The following CFAP74 variants were observed in gnomAD, a reference collection of about 807,000 sequenced individuals.
CFAP74 encodes the protein cilia- and flagella-associated protein 74.
In CFAP74, 124 loss-of-function variants were observed where a neutral mutation model predicts 188.9. The observed-to-expected ratio is 0.66, with a 90% CI of 0.57 to 0.76. The LOEUF (loss-of-function observed/expected upper bound fraction) is 0.76, where lower values mean the gene tolerates loss of function less well. Among genes scored for constraint, CFAP74 ranks in the 30% least tolerant of loss-of-function variants. The pLI is 0.00. For synonymous variants in CFAP74, 956 were observed against 916.7 expected, an observed-to-expected ratio of 1.04 and a Z score of -0.77; for missense variants, 2,198 against 2,165.2, an observed-to-expected ratio of 1.02 and a Z score of -0.30.
intron 6 of CFAP74, among the ~76,000 whole-genome samples, chr1:1,981,773 G>A (rs796351124): frequency 7.4e-6 from 1 of 134,500 alleles, no homozygotes; most frequent in South Asian, 2.4e-4. Context: ...GCGGGGGCAC[G>A]CAGGACACCC....
chr1:1,960,051 C>T (rs753373435), intron 14 of CFAP74, 21 bp from the exon 15 acceptor site: 79 of 1,593,492 alleles, frequency 5.0e-5, no homozygotes, highest in Non-Finnish European at 6.6e-5. Context: ...TGACCCATAG[C>T]ACACGGGGGT....
At chr1:1,943,390 G>A (rs535297150) in intron 21 of CFAP74, among the ~76,000 whole-genome samples, 18 of 152,310 alleles carry the variant, frequency 1.2e-4, no homozygotes, top group Admixed American at 7.8e-4. Flanking sequence ...GAGTCCGACA[G>A]CAGGAGGACA....
intron 23 of CFAP74, 76 bp downstream of exon 23, chr1:1,940,240 G>A: frequency 8.4e-7 from 1 of 1,187,776 alleles, no homozygotes; most frequent in South Asian, 1.3e-5. Flanking sequence ...TCGCCCGGGT[G>A]CTGGGCCTGG....
intron 15 of CFAP74, 52 bp downstream of exon 15, chr1:1,959,912 C>T: frequency 4.0e-6 from 6 of 1,489,154 alleles, no homozygotes; most frequent in South Asian, 3.8e-5. Context: ...CGATCACAGG[C>T]TCCACCCACC....
In CFAP74 at chr1:1,955,819, A is replaced by G; in HGVS notation, c.2048T>C (p.Leu683Ser). 2 of 1,613,934 alleles carry G rather than the reference A, an allele frequency of 1.2e-6. No individual in the cohort carries two copies. The highest frequency in any genetic ancestry group is 1.7e-6 in the Non-Finnish European group (2 of 1,180,018). Residue 683 changes from leucine (L) to serine (S), a missense_variant, in exon 18 of 39, where the codon TTG (leucine) becomes TCG (serine). Coordinates refer to ENST00000682832, the MANE Select transcript of CFAP74 (RefSeq NM_001304360.2). ...SSLLTYEDKS[L>S]YDKAATSFSE... is the part of the protein sequence containing the mutation. The stretch of plus-strand genomic sequence containing the variant: ...GAAGCTGGTGGCGGCTTTGTCATAC[A>G]AGCTTTTATCTTCGTAGGTCAGGAG...
At position 1,968,559 on chromosome 1, in the gene CFAP74, C is replaced by A. The variant is rs1655642421; in HGVS notation, c.1245+76G>T. 1 of 1,318,568 alleles carries A rather than the reference C, an allele frequency of 7.6e-7. No homozygotes were observed. Among genetic ancestry groups the A allele is most frequent in the Non-Finnish European group, 1.1e-6 (1 of 931,428 alleles). 81.7% of individuals were successfully genotyped at this position (1,318,568 alleles called of 1,614,324 possible). On this transcript the variant is annotated intron_variant, in intron 11 of 38. Transcript: ENST00000682832. The surrounding 1 kb of genome is among the most constrained non-coding windows in gnomAD (Gnocchi z 4.3). ...GCTGAGGTCCTCAGAGGATGTCTCA[C>A]CACACCTGAGCCCTGAGGCCCCACC...
At chr1:1,940,780 C>G (rs1321635503) in intron 22 of CFAP74, among the ~76,000 whole-genome samples, 3 of 152,200 alleles carry the variant, frequency 2.0e-5, no homozygotes, top group African/African-American at 7.2e-5. Flanking sequence ...TTAATCAGAG[C>G]TTGATCTCTG....
At chr1:1,971,896 G>T (rs1656104796) in intron 9 of CFAP74, 84 bp downstream of exon 9, 3 of 1,074,542 alleles carry the variant, frequency 2.8e-6, no homozygotes, top group Non-Finnish European at 4.2e-6. Flanking sequence ...GAGGACACGG[G>T]CCTGGCTCCC....
At chr1:1,930,418 AGG>A in intron 25 of CFAP74, 82 bp from the exon 26 acceptor site, 1 of 1,366,734 alleles carries the variant, frequency 7.3e-7, no homozygotes, top group Non-Finnish European at 9.7e-7. Context: ...CACTGGGTGG[AGG>A]ACAAGCCCCG....
chr1:1,971,101 ACACGTGTG>A (rs1655976502), intron 9 of CFAP74, among the ~76,000 whole-genome samples: 1 of 146,264 alleles, frequency 6.8e-6, no homozygotes, highest in Non-Finnish European at 1.5e-5. Context: ...GCACACCTGC[ACACGTGTG>A]CACACACATG....
intron 26 of CFAP74, among the ~76,000 whole-genome samples, 194 bp from the exon 27 acceptor site, chr1:1,929,076 G>T (rs554166913): frequency 6.6e-6 from 1 of 151,974 alleles, no homozygotes; most frequent in Non-Finnish European, 1.5e-5. Context: ...GGCTGCAGGC[G>T]GGAGCACCAA....
chr1:1,963,753 C>T lies in CFAP74; in HGVS notation c.1690G>A (p.Val564Ile), dbSNP rs573572914. ...CTGTCTGAGCCGTCCTCTTACTCAACGTGGATGAAGTCCCGGAGGTGCTCC... is the reference window on the plus strand; with the variant it reads ...CTGTCTGAGCCGTCCTCTTACTCAATGTGGATGAAGTCCCGGAGGTGCTCC... ...VEEHLRDFIH[V>I]DFDPPGPLSA... Residue 564 changes from valine (V) to isoleucine (I), a missense_variant, in exon 14 of 39, where the codon GTT becomes ATT. Transcript: ENST00000682832. 11 of 1,608,812 alleles carry T rather than the reference C, an allele frequency of 6.8e-6. No individual in the cohort carries two copies. The highest frequency in any genetic ancestry group is 4.0e-5 in the African/African-American group (3 of 74,896).
chr1:1,924,784 A>C (rs1651728285), intron 33 of CFAP74, among the ~76,000 whole-genome samples: 1 of 152,150 alleles, frequency 6.6e-6, no homozygotes. Flanking sequence ...CCTGTCCTCC[A>C]GGGCGCCTGA....
At chr1:1,962,256 A>C (rs1199041574) in intron 14 of CFAP74, among the ~76,000 whole-genome samples, 3 of 152,052 alleles carry the variant, frequency 2.0e-5, no homozygotes, top group African/African-American at 7.2e-5. Context: ...GCCTCGGATC[A>C]CCTGAGGTCA....
At chr1:1,999,453 C>G (rs1032568574) in intron 1 of CFAP74, among the ~76,000 whole-genome samples, 1 of 152,068 alleles carries the variant, frequency 6.6e-6, no homozygotes, top group Admixed American at 6.6e-5. Context: ...TTCAGAATTT[C>G]TCAAATAAAA....
At chr1:1,952,468 T>C (rs1654261889) in intron 18 of CFAP74, among the ~76,000 whole-genome samples, 1 of 151,768 alleles carries the variant, frequency 6.6e-6, no homozygotes, top group Non-Finnish European at 1.5e-5. Flanking sequence ...GATTAAATGT[T>C]CTAAGAAAGT....
At chr1:1,959,873 TC>T in intron 15 of CFAP74, 90 bp downstream of exon 15, 1 of 1,126,882 alleles carries the variant, frequency 8.9e-7, no homozygotes, top group Non-Finnish European at 1.2e-6. Context: ...AGTGCATCCT[TC>T]CCCCATCATG....
At chr1:1,934,908 CGTGGGTGTT>C (rs1652753134) in intron 25 of CFAP74, among the ~76,000 whole-genome samples, 1 of 119,694 alleles carries the variant, frequency 8.4e-6, no homozygotes, top group Non-Finnish European at 1.7e-5. Flanking sequence ...CACGTGTGTA[CGTGGGTGTT>C]AGGTTGTAGG....
At chr1:1,934,539 G>A (rs539847515) in intron 25 of CFAP74, among the ~76,000 whole-genome samples, 1,851 of 150,942 alleles carry the variant, frequency 0.012, 20 homozygotes, top group African/African-American at 0.04. Flanking sequence ...AGGTGTATAC[G>A]TGGGTGTTAG....
Sources: allele counts gnomAD v4.1 joint callset (sites outside exome capture counted in the v4.1 genomes callset), GRCh38; gene constraint gnomAD v4.1.1; non-coding constraint Gnocchi (gnomAD v3.1); transcripts MANE v1.5; gene names NCBI Gene and HGNC (gene_info 2026-07-23, HGNC 2026-07-21).